ARPP21: variants seen among roughly 807,000 people sequenced by gnomAD.
ARPP21 encodes cAMP-regulated phosphoprotein 21.
A neutral mutation model predicts 113.2 loss-of-function variants in ARPP21; 69 were observed. The observed-to-expected ratio is 0.61, with a 90% CI of 0.50 to 0.74. The LOEUF (loss-of-function observed/expected upper bound fraction) is 0.74. Among genes scored for constraint, ARPP21 ranks in the 30% least tolerant of loss-of-function variants. The pLI is 0.00. For missense variants in ARPP21, 1,070 were observed against 1,037.4 expected (o/e 1.03, Z -0.43); for synonymous variants, 368 against 375.5 (o/e 0.98, Z 0.23).
rs1393802640 is a variant in ARPP21, at chr3:35,735,146, G to A, written c.1460-2032G>A. ...TTTTTATTTTTCTTTTTAAGACAGG[G>A]TCTCACTCTGTCACCCAGGCTGGAG... On this transcript the variant is annotated intron_variant, in intron 15 of 20. Transcript: ENST00000684406. 3.3e-5 allele frequency among the ~76,000 whole-genome samples: 5 copies of A among 151,958 alleles called. No homozygotes were observed. The East Asian group carries it at 5.8e-4, about 18-fold the overall frequency.
At chr3:35,740,242 G>A (rs1391655439) in intron 18 of ARPP21, among the ~76,000 whole-genome samples, 1 of 152,108 alleles carries the variant, frequency 6.6e-6, no homozygotes, top group Non-Finnish European at 1.5e-5. Context: ...AAACATCTCT[G>A]GTACTCTCTT....
In ARPP21 at chr3:35,737,346, G is replaced by A. The variant is rs1232558778; in HGVS notation, c.1628G>A (p.Gly543Asp). 1.9e-6 allele frequency: 3 copies of A among 1,609,998 alleles called. No homozygotes were observed. The highest frequency in any genetic ancestry group is 1.7e-5 in the Admixed American group (1 of 59,800). Reference protein sequence around the residue: ...QVQPPQPQMAGPLVTQSVQGL... With the variant: ...QVQPPQPQMADPLVTQSVQGL... ...CAGCCACCGCAGCCACAGATGGCAGGCCCTCTGGTCACTCAGGTAGGGGGC... is the reference window on the plus strand; with the variant it reads ...CAGCCACCGCAGCCACAGATGGCAGACCCTCTGGTCACTCAGGTAGGGGGC... The change falls in exon 16 of 21, where the codon GGC becomes GAC. Residue 543 changes from glycine (G) to aspartate (D), a missense_variant. Transcript: ENST00000684406.
At chr3:35,711,671 C>T (rs1358449928) in intron 11 of ARPP21, among the ~76,000 whole-genome samples, 1 of 152,122 alleles carries the variant, frequency 6.6e-6, no homozygotes, top group Non-Finnish European at 1.5e-5. Context: ...CATCTGAAGG[C>T]TTGATCAAGT....
chr3:35,719,605 A>G (rs1226254064), intron 13 of ARPP21, among the ~76,000 whole-genome samples: 1 of 152,146 alleles, frequency 6.6e-6, no homozygotes, highest in Non-Finnish European at 1.5e-5. Context: ...ACTGGCTTTT[A>G]CAGAAAGTCT....
intron 1 of ARPP21, among the ~76,000 whole-genome samples, chr3:35,663,745 C>A (rs1314335774): frequency 6.6e-6 from 1 of 152,086 alleles, no homozygotes; most frequent in Non-Finnish European, 1.5e-5. Flanking sequence ...CACAGTCCTC[C>A]GGAGTAATGC....
At chr3:35,707,227 C>T (rs540293227) in intron 10 of ARPP21, 145 bp downstream of exon 10, 1 of 657,630 alleles carries the variant, frequency 1.5e-6, no homozygotes, top group African/African-American at 1.8e-5. Flanking sequence ...ACCTCCTTCT[C>T]CTCCTTCCCT....
At chr3:35,686,353 T>C (rs1213948960) in intron 5 of ARPP21, among the ~76,000 whole-genome samples, 2 of 151,766 alleles carry the variant, frequency 1.3e-5, no homozygotes, top group African/African-American at 2.4e-5. Context: ...TTACAAAGTT[T>C]ATATATGTAC....
Position 35,667,852 on chromosome 3 carries a change from A to T in ARPP21, c.-212-11935A>T, listed in dbSNP as rs1429391012. 3.8e-3 allele frequency among the ~76,000 whole-genome samples: 428 copies of T among 113,878 alleles called. 21 individuals carry two copies. Among genetic ancestry groups the T allele is most frequent in the African/African-American group, 0.019 (394 of 20,318 alleles). 74.7% of individuals were successfully genotyped at this position (113,878 alleles called of 152,430 possible). A position where few individuals can be genotyped will look rare whatever the true frequency, so the allele number is the denominator to read the frequency against. ...GTACTTTTATTCTCAAAGAAGAAGA[A>T]GAAGAAGAAGAAGAAGAAGAAGAAG... On this transcript the variant is annotated intron_variant, in intron 1 of 20. Transcript: ENST00000684406.
chr3:35,644,976 G>A (rs1431927720), intron 1 of ARPP21, among the ~76,000 whole-genome samples: 1 of 151,878 alleles, frequency 6.6e-6, no homozygotes, highest in East Asian at 1.9e-4. Flanking sequence ...TATATATTAG[G>A]ATACAATTGT....
intron 19 of ARPP21, among the ~76,000 whole-genome samples, chr3:35,774,464 A>G (rs2096294557): frequency 6.6e-6 from 1 of 152,142 alleles, no homozygotes; most frequent in African/African-American, 2.4e-5. Context: ...ATCAATGGAT[A>G]TGCATTCTTT....
intron 10 of ARPP21, 150 bp downstream of exon 10, chr3:35,707,232 T>G: frequency 3.1e-6 from 2 of 653,856 alleles, no homozygotes; most frequent in Non-Finnish European, 5.4e-6. Flanking sequence ...CTTCTCCTCC[T>G]TCCCTCCCCC....
In ARPP21 at chr3:35,678,377, T is replaced by C. The variant is rs949490920; in HGVS notation, c.-212-1410T>C. Among the ~76,000 whole-genome samples the C allele has an allele frequency of 3.3e-5, 5 of 151,986 alleles. No homozygotes were observed. The South Asian group carries it at 1.0e-3, about 31-fold the overall frequency. On this transcript the variant is annotated intron_variant, in intron 1 of 20. Coordinates refer to ENST00000684406, the MANE Select transcript of ARPP21 (RefSeq NM_001385562.1). ...GACATTTATGCTAAGACATATTAGA[T>C]AATGGGCTTCTTAGTTAAATAGTTT... is the stretch of plus-strand genomic sequence containing the variant.
chr3:35,780,561 C>T (rs1009784488), intron 19 of ARPP21, among the ~76,000 whole-genome samples: 3 of 151,984 alleles, frequency 2.0e-5, no homozygotes, highest in Non-Finnish European at 4.4e-5. Context: ...CCAGATCCCA[C>T]TACTTACTCT....
At chr3:35,698,377 A>G (rs1485607014) in intron 9 of ARPP21, among the ~76,000 whole-genome samples, 3 of 151,648 alleles carry the variant, frequency 2.0e-5, no homozygotes, top group Non-Finnish European at 4.4e-5. Flanking sequence ...TTGAGTGTGA[A>G]TGTATAATTA....
rs2075761398 is a variant in ARPP21 at position 35,669,416 on chromosome 3, TAG to T, written c.-212-10370_-212-10369del. Among the ~76,000 whole-genome samples, 3 of 152,294 alleles carry T rather than the reference TAG, an allele frequency of 2.0e-5. No individual in the cohort carries two copies. The South Asian group carries it at 6.2e-4, about 32-fold the overall frequency. On this transcript the variant is annotated intron_variant, in intron 1 of 20. Transcript: ENST00000684406. ...TTTTATATTACATAAGATTGACAGA[TAG>T]TTCATTTCTGTGATATATCAAATTG...
chr3:35,727,409 T>G (rs1205575031), intron 14 of ARPP21, among the ~76,000 whole-genome samples: 2 of 152,250 alleles, frequency 1.3e-5, no homozygotes, highest in Non-Finnish European at 2.9e-5. Flanking sequence ...ATCATTTAAG[T>G]GTTTATTCAA....
chr3:35,737,493 T>G, intron 16 of ARPP21, 131 bp downstream of exon 16: 1 of 577,130 alleles, frequency 1.7e-6, no homozygotes, highest in Non-Finnish European at 2.8e-6. Flanking sequence ...CCTGGCAGCA[T>G]AGAGTTCTTT....
intron 19 of ARPP21, among the ~76,000 whole-genome samples, chr3:35,784,454 A>G (rs2151796993): frequency 6.6e-6 from 1 of 152,344 alleles, no homozygotes; most frequent in African/African-American, 2.4e-5. Context: ...CCAGCAGACT[A>G]CTGATATTCA....
chr3:35,711,141 G>C (rs1190122500), intron 11 of ARPP21, among the ~76,000 whole-genome samples: 1 of 152,130 alleles, frequency 6.6e-6, no homozygotes, highest in Non-Finnish European at 1.5e-5. Context: ...CTAGTGGCCA[G>C]CTCTTCCGGC....
Sources: allele counts gnomAD v4.1 joint callset (sites outside exome capture counted in the v4.1 genomes callset), GRCh38; gene constraint gnomAD v4.1.1; transcripts MANE v1.5; gene names NCBI Gene and HGNC (gene_info 2026-07-23, HGNC 2026-07-21).